F13A1: variants seen among roughly 807,000 people sequenced by gnomAD.
F13A1 encodes the protein coagulation factor XIII A chain, also known as FSF, A subunit.
F13A1 carries 47 observed loss-of-function variants against 80.1 expected under a neutral mutation model. The ratio of observed to expected loss-of-function variants is 0.59; its 90% CI spans 0.46 to 0.75. The LOEUF (loss-of-function observed/expected upper bound fraction) is 0.75. Among genes scored for constraint, F13A1 ranks in the 30% least tolerant of loss-of-function variants. The pLI is 0.00. For missense variants in F13A1, 817 were observed against 930.4 expected (o/e 0.88, Z 1.59); for synonymous variants, 349 against 344.9 (o/e 1.01, Z -0.13).
At chr6:6,280,076 T>C (rs1325206981) in intron 3 of F13A1, among the ~76,000 whole-genome samples, 1 of 152,188 alleles carries the variant, frequency 6.6e-6, no homozygotes, top group Non-Finnish European at 1.5e-5. Flanking sequence ...AAAATCAACA[T>C]AGAAAACATT....
chr6:6,184,619 C>G (rs927416702), intron 10 of F13A1, among the ~76,000 whole-genome samples: 2 of 152,330 alleles, frequency 1.3e-5, no homozygotes, highest in East Asian at 3.9e-4. Context: ...TAAGTACAAA[C>G]AGCGACCCCC....
intron 2 of F13A1, among the ~76,000 whole-genome samples, chr6:6,307,308 C>G (rs1167763789): frequency 1.3e-5 from 2 of 151,922 alleles, no homozygotes; most frequent in African/African-American, 4.8e-5. Context: ...TCTCAGAACC[C>G]TGTTGTATAC....
intron 3 of F13A1, among the ~76,000 whole-genome samples, chr6:6,300,925 C>G (rs975859639): frequency 7.2e-5 from 11 of 151,916 alleles, no homozygotes; most frequent in African/African-American, 1.5e-4. Flanking sequence ...TAAAATGGAT[C>G]TTCTCTTGAA....
At chr6:6,198,189 A>G (rs1045526066) in intron 8 of F13A1, among the ~76,000 whole-genome samples, 4 of 152,186 alleles carry the variant, frequency 2.6e-5, no homozygotes, top group Non-Finnish European at 5.9e-5. Context: ...GTCAGGGTGA[A>G]TCTCTCTTTA....
intron 4 of F13A1, among the ~76,000 whole-genome samples, chr6:6,252,008 G>A (rs910661080): frequency 6.6e-6 from 1 of 152,126 alleles, no homozygotes; most frequent in Non-Finnish European, 1.5e-5. Context: ...ATCTGACAGA[G>A]TCTGTAGATC....
intron 4 of F13A1, among the ~76,000 whole-genome samples, chr6:6,256,575 A>G (rs1005150823): frequency 3.9e-5 from 6 of 152,116 alleles, no homozygotes; most frequent in African/African-American, 7.2e-5. Flanking sequence ...GACCTCATTT[A>G]TTTTACTGTT....
At chr6:6,258,284 A>G (rs1757729982) in intron 4 of F13A1, among the ~76,000 whole-genome samples, 2 of 152,216 alleles carry the variant, frequency 1.3e-5, no homozygotes, top group African/African-American at 2.4e-5. Context: ...TCTGAGTCTA[A>G]TAATCGTCTC....
intron 10 of F13A1, among the ~76,000 whole-genome samples, chr6:6,186,363 G>A (rs1471378196): frequency 3.3e-5 from 5 of 152,130 alleles, no homozygotes; most frequent in Admixed American, 6.6e-5. Flanking sequence ...AAGGTCTAAC[G>A]TTTAAGTCTT....
chr6:6,151,779 A>C (rs1157175537), intron 14 of F13A1, 34 bp downstream of exon 14: 1 of 1,613,798 alleles, frequency 6.2e-7, no homozygotes, highest in South Asian at 1.1e-5. Context: ...ACAGCCCTGC[A>C]CTGCCTGCCC....
rs186847093 is a variant in F13A1 at position 6,256,057 on chromosome 6, C to T, written c.572-5128G>A. On this transcript the variant is annotated intron_variant, in intron 4 of 14. Transcript: ENST00000264870. ...GCTGTTGGCTTTTTGATAGTGTTTT[C>T]GTTTGTTTTTAAATTTTTGGTTAGC... 7.4e-3 allele frequency among the ~76,000 whole-genome samples: 1,128 copies of T among 152,162 alleles called. 12 individuals carry two copies. Among genetic ancestry groups the T allele is most frequent in the African/African-American group, 0.026 (1,073 of 41,474 alleles).
chr6:6,250,867 C>A lies in F13A1; in HGVS notation c.634G>T (p.Val212Leu), dbSNP rs866973424. 3 of 1,613,638 alleles carry A rather than the reference C, an allele frequency of 1.9e-6. No individual in the cohort carries two copies. The highest frequency in any genetic ancestry group is 1.7e-6 in the Non-Finnish European group (2 of 1,179,842). ...TCATTGACCTCTCCATAAAAAATTA[C>A]CCCGATGTCATTCAGGACATACTCT... is the stretch of plus-strand genomic sequence containing the variant. ...REEYVLNDIG[V>L]IFYGEVNDIK... Residue 212 changes from valine to leucine, a missense_variant, in exon 5 of 15, where the codon GTA becomes TTA. Transcript: ENST00000264870. This position sits in a 1 kb window ranked among gnomAD's most constrained non-coding sequence, Gnocchi z 4.2.
At chr6:6,257,546 G>A (rs540738912) in intron 4 of F13A1, among the ~76,000 whole-genome samples, 9 of 152,202 alleles carry the variant, frequency 5.9e-5, no homozygotes, top group South Asian at 2.1e-4. Flanking sequence ...AGAGTAGTTC[G>A]CCAGGACTGG....
chr6:6,235,928 G>T (rs1369711048), intron 6 of F13A1, among the ~76,000 whole-genome samples: 1 of 152,106 alleles, frequency 6.6e-6, no homozygotes, highest in Non-Finnish European at 1.5e-5. Context: ...TGGGCAAATA[G>T]TGATTCATCC....
intron 2 of F13A1, among the ~76,000 whole-genome samples, chr6:6,318,217 T>A (rs1758713775): frequency 6.6e-6 from 1 of 152,164 alleles, no homozygotes. Context: ...CATTGAGCAG[T>A]AGGGCTGGAA....
intron 3 of F13A1, among the ~76,000 whole-genome samples, chr6:6,281,346 A>G (rs1758058700): frequency 6.6e-6 from 1 of 152,132 alleles, no homozygotes; most frequent in Admixed American, 6.5e-5. Flanking sequence ...TTACAGTCTC[A>G]ATGTAATTTC....
intron 2 of F13A1, among the ~76,000 whole-genome samples, chr6:6,311,852 ATTTG>A (rs1398202805): frequency 1.0e-5 from 1 of 99,534 alleles, no homozygotes; most frequent in Non-Finnish European, 2.0e-5. Flanking sequence ...TTGTTTATAT[ATTTG>A]TTTGTTTTCA....
At chr6:6,295,597 T>A (rs1362994829) in intron 3 of F13A1, among the ~76,000 whole-genome samples, 1 of 143,164 alleles carries the variant, frequency 7.0e-6, no homozygotes, top group Non-Finnish European at 1.5e-5. Flanking sequence ...GGGTTGTTTG[T>A]TTTTTTCTTG....
chr6:6,185,129 CTT>C (rs113575772), intron 10 of F13A1, among the ~76,000 whole-genome samples: 4 of 146,676 alleles, frequency 2.7e-5, no homozygotes, highest in African/African-American at 7.5e-5. Context: ...GAATCTCTCT[CTT>C]TTTTTTTTTT....
chr6:6,234,149 G>A (rs1043775499), intron 6 of F13A1, among the ~76,000 whole-genome samples: 4 of 152,080 alleles, frequency 2.6e-5, no homozygotes, highest in Non-Finnish European at 4.4e-5. Flanking sequence ...AGGTAAAGAG[G>A]AAGTCAAACT....
Sources: allele counts gnomAD v4.1 joint callset (sites outside exome capture counted in the v4.1 genomes callset), GRCh38; gene constraint gnomAD v4.1.1; non-coding constraint Gnocchi (gnomAD v3.1); transcripts MANE v1.5; gene names NCBI Gene and HGNC (gene_info 2026-07-23, HGNC 2026-07-21).